SNRNP25: variants seen among roughly 807,000 people sequenced by gnomAD.
The protein encoded by SNRNP25 is U11/U12 small nuclear ribonucleoprotein 25 kDa protein.
A neutral mutation model predicts 23.9 loss-of-function variants in SNRNP25; 21 were observed. That is an observed-to-expected ratio of 0.88 (90% CI 0.62 to 1.27). SNRNP25 has a LOEUF of 1.27. Ranked by LOEUF, SNRNP25 falls within the 50% of genes most tolerant of loss-of-function variation. The pLI, the probability that SNRNP25 is intolerant of heterozygous loss-of-function variation, is 0.00. For synonymous variants in SNRNP25, 63 were observed against 60.4 expected (o/e 1.04, Z -0.20); for missense variants, 160 against 156.9 (o/e 1.02, Z -0.11).
At chr16:54,491 C>G (rs1466326982) in intron 1 of SNRNP25, among the ~76,000 whole-genome samples, 2 of 152,050 alleles carry the variant, frequency 1.3e-5, no homozygotes, top group Admixed American at 1.3e-4. Flanking sequence ...CTCAGGCGAT[C>G]CTCCTGCCTC....
At position 55,445 on chromosome 16, in the gene SNRNP25, T is replaced by C. The variant is rs758123334; in HGVS notation, c.43-14T>C. On this transcript the variant is annotated splice_polypyrimidine_tract_variant and intron_variant, in intron 1 of 4. Transcript: ENST00000293861. The stretch of plus-strand genomic sequence containing the variant: ...AGAGCCAGGGTTCCCACTTCTGCCC[T>C]TGGTCTTTTGTAGGTTACTCTGGAA... 1.9e-6 allele frequency: 3 copies of C among 1,613,256 alleles called. No individual in the cohort carries two copies. The highest frequency in any genetic ancestry group is 1.7e-5 in the Admixed American group (1 of 59,982).
chr16:55,363 A>G (rs1897392944), intron 1 of SNRNP25, 96 bp from the exon 2 acceptor site: 1 of 1,071,006 alleles, frequency 9.3e-7, no homozygotes, highest in Non-Finnish European at 1.4e-6. Context: ...CGTAAAATGG[A>G]GCACCACTTT....
At chr16:55,295 T>G in intron 1 of SNRNP25, 164 bp from the exon 2 acceptor site, 1 of 625,446 alleles carries the variant, frequency 1.6e-6, no homozygotes, top group Middle Eastern at 4.3e-4. Context: ...AACATGAGAT[T>G]GGGGCTCTGA....
intron 3 of SNRNP25, 159 bp downstream of exon 3, chr16:56,041 TCA>T: frequency 2.8e-6 from 2 of 706,686 alleles, no homozygotes; most frequent in South Asian, 3.5e-5. Flanking sequence ...GAGCTCCCTG[TCA>T]CAGACAGTGC....
At chr16:56,008 G>A in intron 3 of SNRNP25, 126 bp downstream of exon 3, 4 of 847,000 alleles carry the variant, frequency 4.7e-6, no homozygotes, top group East Asian at 2.7e-5. Flanking sequence ...CTGAAGTGAT[G>A]AGCTCCCTGT....
In SNRNP25 at chr16:56,605, G is replaced by A; in HGVS notation, c.306G>A (p.Lys102=). ...AGEKLTEDRK[K]LRDYGIRNRD... ...AGAAACTCACGGAAGACAGAAAGAA[G>A]CTCCGAGAGTAAGTGCCGGCCACGT... The change falls in exon 4 of 5, where the codon AAG becomes AAA. Residue 102 remains lysine, a synonymous_variant. Transcript: ENST00000293861. 2 of 1,613,996 alleles carry A rather than the reference G, an allele frequency of 1.2e-6. No homozygotes were observed. Among genetic ancestry groups the A allele is most frequent in the South Asian group, 2.2e-5 (2 of 91,088 alleles).
intron 1 of SNRNP25, 90 bp from the exon 2 acceptor site, chr16:55,369 A>G: frequency 8.6e-7 from 1 of 1,167,530 alleles, no homozygotes; most frequent in Non-Finnish European, 1.3e-6. Flanking sequence ...ATGGAGCACC[A>G]CTTTTTGGCC....
intron 1 of SNRNP25, among the ~76,000 whole-genome samples, chr16:54,686 T>C (rs1274237270): frequency 6.6e-6 from 1 of 152,196 alleles, no homozygotes; most frequent in Non-Finnish European, 1.5e-5. Flanking sequence ...AAAGCGTCAG[T>C]ATCATGCTTT....
chr16:56,380 C>T (rs780369446), intron 3 of SNRNP25, 159 bp from the exon 4 acceptor site: 65 of 758,422 alleles, frequency 8.6e-5, no homozygotes, highest in Non-Finnish European at 1.5e-4. Context: ...CTCCTTGTAG[C>T]TGCCTCAGAC....
intron 1 of SNRNP25, 148 bp downstream of exon 1, chr16:54,206 A>T (rs1897378381): frequency 2.2e-6 from 2 of 889,194 alleles, no homozygotes; most frequent in Non-Finnish European, 3.4e-6. Context: ...TTTAACCTTG[A>T]CCGGGCGCAC....
At chr16:54,540 G>A (rs912106943) in intron 1 of SNRNP25, among the ~76,000 whole-genome samples, 17 of 151,860 alleles carry the variant, frequency 1.1e-4, no homozygotes, top group African/African-American at 4.1e-4. Context: ...TGAGCCACCC[G>A]CCTGGCCTGT....
chr16:53,902 G>C lies in SNRNP25; in HGVS notation c.-115G>C. 1 of 1,515,334 alleles carries C rather than the reference G, an allele frequency of 6.6e-7. No individual in the cohort carries two copies. Among genetic ancestry groups the C allele is most frequent in the Non-Finnish European group, 8.9e-7 (1 of 1,118,510 alleles). 93.9% of individuals were successfully genotyped at this position (1,515,334 alleles called of 1,614,324 possible). A position where few individuals can be genotyped will look rare whatever the true frequency, so the allele number is the denominator to read the frequency against. ...CGGGCAGAGCCCGGCTGAGAGGGGC[G>C]GCCCTGGAGGAGACGGAGGCCGCGG... On this transcript the variant is annotated 5_prime_UTR_variant, in exon 1 of 5. Coordinates refer to ENST00000293861, the MANE Select transcript of SNRNP25 (RefSeq NM_024571.4).
rs1897371668 is a variant in SNRNP25, at chr16:53,841, G to A, written c.-176G>A. ...CTGGGGCGGGCCGCAGTTCCTGCGC[G>A]TGCGCGCTTGGCCTCCCTAGTGCGG... On this transcript the variant is annotated 5_prime_UTR_variant, in exon 1 of 5. In the 5' UTR this introduces an upstream ATG that the reference lacks. Coordinates refer to ENST00000293861, the MANE Select transcript of SNRNP25 (RefSeq NM_024571.4). 7.2e-7 allele frequency: 1 copy of A among 1,395,912 alleles called. No homozygotes were observed. Among genetic ancestry groups the A allele is most frequent in the Non-Finnish European group, 9.5e-7 (1 of 1,054,058 alleles). The allele number at this position is 1,395,912 out of a possible 1,614,324, so 86.5% of individuals were successfully genotyped here.
chr16:55,982 C>A, intron 3 of SNRNP25, 100 bp downstream of exon 3: 3 of 1,032,230 alleles, frequency 2.9e-6, no homozygotes, highest in Non-Finnish European at 4.4e-6. Context: ...CTCAGCTCTG[C>A]ATGAGTACAG....
At chr16:54,187 A>C in intron 1 of SNRNP25, 129 bp downstream of exon 1, 1 of 1,100,650 alleles carries the variant, frequency 9.1e-7, no homozygotes, top group Non-Finnish European at 1.3e-6. Flanking sequence ...TCTGGGCGTA[A>C]ACGAGGGTTT....
chr16:56,553 G>T lies in SNRNP25; in HGVS notation c.254G>T (p.Arg85Met), dbSNP rs1269081229. Reference protein sequence around the residue: ...IQHISWSYVWRTYHLTSAGEK... With the variant: ...IQHISWSYVWMTYHLTSAGEK... Reference sequence around the variant, plus strand: ...CCCTCTTGCAGGTCCTACGTGTGGAGGACGTACCATCTGACCTCTGCAGGA... The same window carrying T: ...CCCTCTTGCAGGTCCTACGTGTGGATGACGTACCATCTGACCTCTGCAGGA... Residue 85 changes from arginine to methionine, a missense_variant, in exon 4 of 5, where the codon AGG becomes ATG. By Grantham distance (91) the Arg-to-Met change is moderately conservative. Transcript: ENST00000293861. 1 of 1,614,042 alleles carries T rather than the reference G, an allele frequency of 6.2e-7. No individual in the cohort carries two copies. The highest frequency in any genetic ancestry group is 8.5e-7 in the Non-Finnish European group (1 of 1,180,026).
At chr16:55,672 C>G in intron 2 of SNRNP25, 105 bp from the exon 3 acceptor site, 1 of 1,534,946 alleles carries the variant, frequency 6.5e-7, no homozygotes, top group South Asian at 1.1e-5. Flanking sequence ...GGGGCAACCA[C>G]AAACCTGCCC....
chr16:54,656 T>A (rs1374040106), intron 1 of SNRNP25, among the ~76,000 whole-genome samples: 2 of 152,168 alleles, frequency 1.3e-5, no homozygotes, highest in African/African-American at 4.8e-5. Flanking sequence ...TCCATTTGCC[T>A]CAAGCGTCAA....
chr16:56,746 T>A, intron 4 of SNRNP25, 133 bp downstream of exon 4: 1 of 939,998 alleles, frequency 1.1e-6, no homozygotes, highest in Non-Finnish European at 1.6e-6. Context: ...CTTGGGGCCC[T>A]CCCCACTAGG....
Sources: allele counts gnomAD v4.1 joint callset (sites outside exome capture counted in the v4.1 genomes callset), GRCh38; gene constraint gnomAD v4.1.1; transcripts MANE v1.5; gene names NCBI Gene and HGNC (gene_info 2026-07-23, HGNC 2026-07-21).